Variants in CTNNA2 observed in about 807,000 individuals in gnomAD.
CTNNA2 encodes the protein catenin alpha 2, also known as catenin alpha-2.
A neutral mutation model predicts 101.0 loss-of-function variants in CTNNA2; 42 were observed. The ratio of observed to expected loss-of-function variants is 0.42; its 90% confidence interval spans 0.32 to 0.54. The LOEUF (loss-of-function observed/expected upper bound fraction) is 0.54, where lower values mean the gene tolerates loss of function less well. Among genes scored for constraint, CTNNA2 ranks in the 20% least tolerant of loss-of-function variants. The pLI, the probability that CTNNA2 is intolerant of heterozygous loss-of-function variation, is 0.14. For synonymous variants in CTNNA2, 450 were observed against 456.4 expected, an observed-to-expected ratio of 0.99 and a Z score of 0.18; for missense variants, 871 against 1,223.1, an observed-to-expected ratio of 0.71 and a Z score of 4.29.
chr2:79,363,773 C>A (rs1677683472), intron 3 of CTNNA2, among the ~76,000 whole-genome samples: 1 of 152,090 alleles, frequency 6.6e-6, no homozygotes. Context: ...CATTACAGGC[C>A]CGAGGAGCAA....
At chr2:80,234,673 G>A (rs1709450201) in intron 7 of CTNNA2, among the ~76,000 whole-genome samples, 1 of 152,154 alleles carries the variant, frequency 6.6e-6, no homozygotes, top group African/African-American at 2.4e-5. Flanking sequence ...GGATACTGCT[G>A]CAGTTGAGAG....
At chr2:79,698,299 A>C (rs1365185160) in intron 2 of CTNNA2, among the ~76,000 whole-genome samples, 1 of 152,058 alleles carries the variant, frequency 6.6e-6, no homozygotes, top group African/African-American at 2.4e-5. Context: ...CTCCACAACT[A>C]ATGGTACTAT....
Position 80,072,985 on chromosome 2 carries a change from C to T in CTNNA2, c.1056+163188C>T, listed in dbSNP as rs114895307. Among the ~76,000 whole-genome samples, 483 of 152,224 alleles carry T rather than the reference C, an allele frequency of 3.2e-3. 7 individuals carry two copies. Among genetic ancestry groups the T allele is most frequent in the Middle Eastern group, 0.014 (4 of 294 alleles). On this transcript the variant is annotated intron_variant, in intron 7 of 18. Coordinates refer to ENST00000402739, the MANE Select transcript of CTNNA2 (RefSeq NM_001282597.3). The stretch of plus-strand genomic sequence containing the variant: ...TGTGATGTATGAGTCTATTTTCGTG[C>T]AGAAATTAAAGGAAAAAACTGGTTT...
chr2:79,225,084 A>G (rs1674391680), intron 2 of CTNNA2, among the ~76,000 whole-genome samples: 1 of 152,100 alleles, frequency 6.6e-6, no homozygotes, highest in East Asian at 1.9e-4. Flanking sequence ...TGCTATAAGC[A>G]TTCGGCCACA....
At chr2:79,887,547 T>C (rs1683972895) in intron 6 of CTNNA2, among the ~76,000 whole-genome samples, 1 of 152,200 alleles carries the variant, frequency 6.6e-6, no homozygotes, top group African/African-American at 2.4e-5. Flanking sequence ...TAGTCATTTA[T>C]GCAGATATTA....
intron 9 of CTNNA2, among the ~76,000 whole-genome samples, chr2:80,533,991 C>T (rs1422937264): frequency 1.3e-5 from 2 of 152,050 alleles, no homozygotes; most frequent in Non-Finnish European, 2.9e-5. Context: ...ATATGAAGGG[C>T]ATAGATTTAT....
intron 15 of CTNNA2, among the ~76,000 whole-genome samples, chr2:80,599,815 G>C (rs1697317371): frequency 6.6e-6 from 1 of 151,678 alleles, no homozygotes; most frequent in South Asian, 2.1e-4. Context: ...GGGTACACGT[G>C]CACAATGTGC....
intron 6 of CTNNA2, among the ~76,000 whole-genome samples, chr2:79,906,502 A>G (rs114506653): frequency 0.014 from 2,158 of 152,282 alleles, 58 homozygotes; most frequent in African/African-American, 0.049. Context: ...GAATATTGTA[A>G]AATTATTGTT....
At chr2:80,560,256 T>C (rs2149671957) in intron 12 of CTNNA2, among the ~76,000 whole-genome samples, 1 of 152,200 alleles carries the variant, frequency 6.6e-6, no homozygotes, top group Non-Finnish European at 1.5e-5. Flanking sequence ...CTATATATTT[T>C]TGCTTAGAAA....
intron 3 of CTNNA2, among the ~76,000 whole-genome samples, chr2:79,784,988 T>C (rs978192084): frequency 6.6e-6 from 1 of 152,180 alleles, no homozygotes; most frequent in African/African-American, 2.4e-5. Flanking sequence ...TATATATTGA[T>C]GATATGTGTA....
intron 7 of CTNNA2, among the ~76,000 whole-genome samples, chr2:80,106,419 C>G (rs1327571248): frequency 1.3e-5 from 2 of 152,134 alleles, no homozygotes; most frequent in Non-Finnish European, 2.9e-5. Flanking sequence ...ACCCAGCAAC[C>G]CTGGGTTACA....
At chr2:79,748,345 T>C (rs1671781333) in intron 3 of CTNNA2, among the ~76,000 whole-genome samples, 1 of 152,364 alleles carries the variant, frequency 6.6e-6, no homozygotes, top group South Asian at 2.1e-4. Flanking sequence ...CATAGAAATC[T>C]GTTTTCCAAT....
At chr2:79,653,446 C>A (rs1681399638) in intron 2 of CTNNA2, among the ~76,000 whole-genome samples, 1 of 152,136 alleles carries the variant, frequency 6.6e-6, no homozygotes, top group South Asian at 2.1e-4. Context: ...AAAACAGGCT[C>A]CTCTACAGAT....
At chr2:79,425,431 A>G (rs34824031) in intron 4 of CTNNA2, among the ~76,000 whole-genome samples, 45,254 of 152,082 alleles carry the variant, frequency 0.3, 6,985 homozygotes, top group South Asian at 0.44. Context: ...ATTTTCTTAC[A>G]TATTTGGAGG....
intron 7 of CTNNA2, among the ~76,000 whole-genome samples, chr2:80,358,920 T>C (rs2149312931): frequency 6.6e-6 from 1 of 152,234 alleles, no homozygotes; most frequent in South Asian, 2.1e-4. Flanking sequence ...CATTTTCAAA[T>C]ATTACTTCAT....
At chr2:80,421,036 A>G (rs1025682228) in intron 9 of CTNNA2, among the ~76,000 whole-genome samples, 1 of 152,166 alleles carries the variant, frequency 6.6e-6, no homozygotes, top group Non-Finnish European at 1.5e-5. Context: ...TTAGCTATTT[A>G]GGGATCCAGA....
At chr2:80,404,413 A>G (rs1412398089) in intron 8 of CTNNA2, among the ~76,000 whole-genome samples, 1 of 152,152 alleles carries the variant, frequency 6.6e-6, no homozygotes, top group East Asian at 1.9e-4. Context: ...TCTCTCAACA[A>G]AGAATGTCCC....
chr2:80,565,738 A>C (rs1347848399), intron 12 of CTNNA2, among the ~76,000 whole-genome samples: 2 of 152,092 alleles, frequency 1.3e-5, no homozygotes, highest in African/African-American at 4.8e-5. Flanking sequence ...AGTGCCTCCA[A>C]AGCATAATGT....
chr2:80,538,498 A>T (rs765659937), intron 9 of CTNNA2, among the ~76,000 whole-genome samples: 27 of 152,022 alleles, frequency 1.8e-4, no homozygotes, highest in Non-Finnish European at 3.7e-4. Flanking sequence ...TCCCCATTGC[A>T]TGTTTTTGTC....
Sources: gnomAD v4.1 joint callset for allele counts (sites outside exome capture counted in the v4.1 genomes callset) on GRCh38, gnomAD v4.1.1 for gene constraint, MANE v1.5 for transcripts, NCBI Gene and HGNC (gene_info 2026-07-23, HGNC 2026-07-21) for gene names.